Variants in TGIF1 observed in about 807,000 individuals in gnomAD.
TGIF1 encodes the protein TGFB induced factor homeobox 1.
Under a neutral mutation model 19.3 loss-of-function variants are expected in TGIF1, and 4 were observed. The observed-to-expected ratio is 0.21, with a 90% CI of 0.10 to 0.47. The LOEUF (loss-of-function observed/expected upper bound fraction) is 0.47, where lower values mean the gene tolerates loss of function less well. TGIF1 is among the 20% of genes least tolerant of loss of function. TGIF1 has a pLI of 0.98. For synonymous variants in TGIF1, 122 were observed against 129.3 expected (o/e 0.94, Z 0.38); for missense variants, 275 against 341.4 (o/e 0.81, Z 1.53).
chr18:3,437,902 G>T (rs1055766312), intron 2 of TGIF1, among the ~76,000 whole-genome samples: 6 of 152,186 alleles, frequency 3.9e-5, no homozygotes, highest in Non-Finnish European at 8.8e-5. Context: ...TGGCCAACAT[G>T]GTGAAACCCC....
intron 2 of TGIF1, among the ~76,000 whole-genome samples, chr18:3,434,584 A>G (rs1435462513): frequency 2.7e-5 from 4 of 149,580 alleles, no homozygotes; most frequent in African/African-American, 9.9e-5. Context: ...GCGTGGTGGC[A>G]TGCGCCTGTA....
intron 1 of TGIF1, among the ~76,000 whole-genome samples, chr18:3,452,732 C>A (rs565607190): frequency 6.6e-6 from 1 of 152,302 alleles, no homozygotes; most frequent in African/African-American, 2.4e-5. Flanking sequence ...CCTTCCCCGT[C>A]GGCTCTGGAA....
At chr18:3,453,827 C>T (rs1416483677) in intron 1 of TGIF1, 4 of 985,220 alleles carry the variant, frequency 4.1e-6, no homozygotes, top group African/African-American at 3.5e-5. Context: ...ATCCTGCCCC[C>T]ACCCTCCCCA....
upstream of TGIF1, among the ~76,000 whole-genome samples, chr18:3,449,204 G>A (rs1013659238): frequency 2.0e-5 from 3 of 152,190 alleles, no homozygotes; most frequent in African/African-American, 4.8e-5. Context: ...TTAATGGCTA[G>A]TTTCTGTTTG....
intron 2 of TGIF1, among the ~76,000 whole-genome samples, chr18:3,423,055 A>G (rs2082426634): frequency 6.6e-6 from 1 of 151,932 alleles, no homozygotes; most frequent in East Asian, 1.9e-4. Flanking sequence ...AATACTTACC[A>G]TTGTGTTGCA....
chr18:3,415,886 A>G (rs1237425610), intron 1 of TGIF1, among the ~76,000 whole-genome samples: 1 of 152,208 alleles, frequency 6.6e-6, no homozygotes, highest in Non-Finnish European at 1.5e-5. Context: ...CCTAAAACAG[A>G]CTTTTATACT....
chr18:3,446,058 C>T (rs113202318), upstream of TGIF1, among the ~76,000 whole-genome samples: 1,546 of 152,172 alleles, frequency 0.01, 13 homozygotes, highest in Middle Eastern at 0.02. Context: ...AAAAAAATAA[C>T]TAACATCACT....
upstream of TGIF1, chr18:3,449,785 T>G (rs958452375): frequency 1.0e-6 from 1 of 985,568 alleles, no homozygotes; most frequent in Non-Finnish European, 1.2e-6. Flanking sequence ...GGGAGGCTTT[T>G]CTTCCCGGGG....
rs1352252180 is a variant in TGIF1 at position 3,429,788 on chromosome 18, C to T, written c.-45+11573C>T. Among the ~76,000 whole-genome samples the T allele has an allele frequency of 3.3e-5, 5 of 151,960 alleles. No individual in the cohort carries two copies. In the East Asian group the frequency reaches 5.8e-4, roughly 18 times the overall value. ...TTTGTGAATGTGATTTCAGAATCCA[C>T]ATTGCAACTAACTTCTGAGAAACAA... On this transcript the variant is annotated intron_variant, in intron 2 of 3. Coordinates refer to the TGIF1 transcript ENST00000401449.
At chr18:3,428,922 G>A (rs551140754) in intron 2 of TGIF1, among the ~76,000 whole-genome samples, 43 of 151,300 alleles carry the variant, frequency 2.8e-4, no homozygotes, top group Middle Eastern at 3.4e-3. Context: ...GCATGGCGGC[G>A]TGCCCCTGTA....
At chr18:3,417,158 G>A (rs185396446) in intron 1 of TGIF1, among the ~76,000 whole-genome samples, 3 of 151,986 alleles carry the variant, frequency 2.0e-5, no homozygotes, top group Non-Finnish European at 2.9e-5. Flanking sequence ...TGTTGTTGTT[G>A]TTCGTTGTTT....
Position 3,452,141 on chromosome 18 carries a change from C to T in TGIF1, c.16+1636C>T. On this transcript the variant is annotated intron_variant, in intron 1 of 2. Coordinates refer to ENST00000343820, the MANE Select transcript of TGIF1 (RefSeq NM_003244.4). ...TTCTGGCGTCCCCCCGACTCTCCCG[C>T]GGCACTTTGGCCTACCTTCCCCCAG... 2.5e-6 allele frequency: 4 copies of T among 1,613,912 alleles called. No individual in the cohort carries two copies. The East Asian group carries it at 6.7e-5, about 27-fold the overall frequency.
At chr18:3,423,599 C>T (rs1297803995) in intron 2 of TGIF1, among the ~76,000 whole-genome samples, 2 of 152,022 alleles carry the variant, frequency 1.3e-5, no homozygotes, top group South Asian at 2.1e-4. Context: ...AGGAGAATGT[C>T]GTGAACCCAG....
chr18:3,415,067 C>T (rs1231905860), intron 1 of TGIF1: 3 of 153,652 alleles, frequency 2.0e-5, no homozygotes, highest in Non-Finnish European at 2.9e-5. Flanking sequence ...CTCCTCCACC[C>T]CTGTCACCAC....
At chr18:3,452,406 T>G in intron 1 of TGIF1, 1 of 1,613,010 alleles carries the variant, frequency 6.2e-7, no homozygotes, top group Non-Finnish European at 8.5e-7. Context: ...GGGGAAACTT[T>G]GCGACTGGTT....
At chr18:3,426,041 A>G (rs2082463384) in intron 2 of TGIF1, among the ~76,000 whole-genome samples, 1 of 151,754 alleles carries the variant, frequency 6.6e-6, no homozygotes, top group African/African-American at 2.4e-5. Context: ...GTGTTTTTAC[A>G]TGTATCCTTT....
chr18:3,442,358 A>G (rs553838621), intron 2 of TGIF1, among the ~76,000 whole-genome samples: 3 of 152,304 alleles, frequency 2.0e-5, no homozygotes, highest in African/African-American at 7.2e-5. Context: ...AAAAACTGGT[A>G]CAGTATTCTG....
chr18:3,428,526 G>A (rs117595405), intron 2 of TGIF1, among the ~76,000 whole-genome samples: 16,320 of 151,158 alleles, frequency 0.11, 1,037 homozygotes, highest in Non-Finnish European at 0.13. Flanking sequence ...TCATGAGGTC[G>A]GGAGATCGAC....
intron 2 of TGIF1, among the ~76,000 whole-genome samples, chr18:3,434,294 T>C (rs2082587812): frequency 6.6e-6 from 1 of 152,124 alleles, no homozygotes; most frequent in African/African-American, 2.4e-5. Flanking sequence ...CTCAGCACAC[T>C]GGGAGGCTGA....
Sources: allele counts gnomAD v4.1 joint callset (sites outside exome capture counted in the v4.1 genomes callset), GRCh38; gene constraint gnomAD v4.1.1; transcripts MANE v1.5; gene names NCBI Gene and HGNC (gene_info 2026-07-23, HGNC 2026-07-21).